FHL5: variants seen among roughly 807,000 people sequenced by gnomAD.
FHL5 encodes the protein four and a half LIM domains 5.
In FHL5, 33 loss-of-function variants were observed where a neutral mutation model predicts 32.0. The observed-to-expected ratio is 1.03, with a 90% CI of 0.78 to 1.38. The LOEUF (loss-of-function observed/expected upper bound fraction) is 1.38. FHL5 is among the 40% of genes most tolerant of loss of function. The probability of loss-of-function intolerance (pLI) is 0.00; values close to 1 mark genes in which losing one functional copy is unlikely to be tolerated. For synonymous variants in FHL5, 114 were observed against 113.6 expected (o/e 1.00, Z -0.02); for missense variants, 336 against 343.9 (o/e 0.98, Z 0.18).
intron 1 of FHL5, among the ~76,000 whole-genome samples, chr6:96,586,729 T>C (rs560649457): frequency 4.3e-4 from 65 of 152,072 alleles, no homozygotes; most frequent in Non-Finnish European, 7.4e-4. Flanking sequence ...GGACTGACAA[T>C]TGACAGCAGA....
At chr6:96,579,058 T>C (rs1225133738) in intron 1 of FHL5, among the ~76,000 whole-genome samples, 1 of 152,178 alleles carries the variant, frequency 6.6e-6, no homozygotes, top group Non-Finnish European at 1.5e-5. Context: ...TTCTAGTTCT[T>C]GAATTCTATG....
chr6:96,574,243 C>T (rs183553561), intron 1 of FHL5, among the ~76,000 whole-genome samples: 2 of 152,254 alleles, frequency 1.3e-5, no homozygotes, highest in East Asian at 3.9e-4. Flanking sequence ...CCTAATTAAA[C>T]TTAAGCATAC....
At chr6:96,606,438 G>T (rs12204342) in intron 4 of FHL5, among the ~76,000 whole-genome samples, 24,112 of 152,036 alleles carry the variant, frequency 0.16, 2,066 homozygotes, top group Middle Eastern at 0.26. Flanking sequence ...TGCAACCTCT[G>T]CCTTCCAGGT....
chr6:96,572,987 G>GGCTACCTTGCT (rs1287651741), intron 1 of FHL5, among the ~76,000 whole-genome samples: 1 of 152,156 alleles, frequency 6.6e-6, no homozygotes, highest in Non-Finnish European at 1.5e-5. Flanking sequence ...GCTTCTAGTT[G>GGCTACCTTGCT]GCTATCTTGC....
intron 5 of FHL5, among the ~76,000 whole-genome samples, chr6:96,613,928 A>G (rs889131008): frequency 6.6e-6 from 1 of 152,226 alleles, no homozygotes; most frequent in Admixed American, 6.5e-5. Flanking sequence ...CAAGCACTCA[A>G]CAAATGCCAG....
At chr6:96,615,536 A>T in intron 5 of FHL5, 73 bp from the exon 6 acceptor site, 1 of 1,248,876 alleles carries the variant, frequency 8.0e-7, no homozygotes, top group Non-Finnish European at 1.1e-6. Context: ...CAGTTCCTAG[A>T]GGAGCATCTG....
intron 1 of FHL5, among the ~76,000 whole-genome samples, chr6:96,575,589 G>A (rs142900544): frequency 0.011 from 1,639 of 152,258 alleles, 13 homozygotes; most frequent in Non-Finnish European, 0.015. Context: ...GAAACAATGT[G>A]GCTCCACATG....
At chr6:96,575,148 A>T (rs1770557992) in intron 1 of FHL5, among the ~76,000 whole-genome samples, 1 of 152,220 alleles carries the variant, frequency 6.6e-6, no homozygotes, top group South Asian at 2.1e-4. Context: ...CATCCGGTTA[A>T]CGAAAGTTAA....
intron 1 of FHL5, among the ~76,000 whole-genome samples, chr6:96,590,445 T>C (rs1207456269): frequency 1.3e-5 from 2 of 152,042 alleles, no homozygotes; most frequent in Admixed American, 6.5e-5. Context: ...AGGAATACAA[T>C]TGATTTTTAT....
chr6:96,563,630 AGTTT>A (rs1397890861), intron 1 of FHL5, among the ~76,000 whole-genome samples: 4 of 152,086 alleles, frequency 2.6e-5, no homozygotes, highest in African/African-American at 7.2e-5. Flanking sequence ...TTGCCTCTTG[AGTTT>A]TTCTAATGGT....
At chr6:96,607,064 A>AAC (rs1771298299) in intron 4 of FHL5, among the ~76,000 whole-genome samples, 1 of 152,178 alleles carries the variant, frequency 6.6e-6, no homozygotes, top group Admixed American at 6.5e-5. Flanking sequence ...AAAAAAAGTA[A>AAC]TATTTTTGAA....
intron 1 of FHL5, among the ~76,000 whole-genome samples, chr6:96,581,506 G>A (rs1347388155): frequency 6.6e-6 from 1 of 152,168 alleles, no homozygotes; most frequent in Admixed American, 6.5e-5. Flanking sequence ...TGATCAATGT[G>A]TGTTACAGAT....
intron 4 of FHL5, among the ~76,000 whole-genome samples, chr6:96,606,633 T>C (rs919724777): frequency 1.3e-5 from 2 of 152,206 alleles, no homozygotes; most frequent in East Asian, 3.8e-4. Context: ...ATTACAGGCA[T>C]GAGCCACCAC....
At chr6:96,573,135 T>C (rs1400503544) in intron 1 of FHL5, among the ~76,000 whole-genome samples, 3 of 152,230 alleles carry the variant, frequency 2.0e-5, no homozygotes, top group African/African-American at 4.8e-5. Flanking sequence ...TTTTCATTCA[T>C]TTATTGATCA....
At chr6:96,603,862 A>G (rs954523092) in intron 2 of FHL5, 90 bp downstream of exon 2, 11 of 1,013,770 alleles carry the variant, frequency 1.1e-5, no homozygotes, top group Non-Finnish European at 1.6e-5. Flanking sequence ...TTGACTTTCA[A>G]CACTATTTCT....
chr6:96,574,339 A>G (rs1312871428), intron 1 of FHL5, among the ~76,000 whole-genome samples: 4 of 152,254 alleles, frequency 2.6e-5, no homozygotes, highest in South Asian at 2.1e-4. Context: ...TGTTTTCTAC[A>G]AAGAGCCAGA....
At chr6:96,592,145 T>C (rs1770933373) in intron 1 of FHL5, among the ~76,000 whole-genome samples, 1 of 152,022 alleles carries the variant, frequency 6.6e-6, no homozygotes, top group South Asian at 2.1e-4. Flanking sequence ...ATTTATTAGG[T>C]GGGAATTTTC....
chr6:96,603,719 G>T lies in FHL5; in HGVS notation c.106G>T (p.Val36Leu). 6.2e-7 allele frequency: 1 copy of T among 1,611,886 alleles called. No homozygotes were observed. Among genetic ancestry groups the T allele is most frequent in the Non-Finnish European group, 8.5e-7 (1 of 1,179,136 alleles). ...SPYCVTCYDR[V>L]FSNYCEECKK... ...ATACTGTGTTACATGTTATGATCGT[G>T]TATTTTCTAACTATTGCGAGGAATG... The change falls in exon 2 of 6, where the codon GTA becomes TTA. Residue 36 changes from valine to leucine, a missense_variant. Coordinates refer to ENST00000450218, the MANE Select transcript of FHL5 (RefSeq NM_001322466.2).
chr6:96,611,827 C>T (rs1484956693), intron 5 of FHL5, among the ~76,000 whole-genome samples: 1 of 152,148 alleles, frequency 6.6e-6, no homozygotes. Context: ...ACAGCATGGT[C>T]TTATTTGTCT....
Sources: allele counts gnomAD v4.1 joint callset (sites outside exome capture counted in the v4.1 genomes callset), GRCh38; gene constraint gnomAD v4.1.1; transcripts MANE v1.5; gene names NCBI Gene and HGNC (gene_info 2026-07-23, HGNC 2026-07-21).